Variants in LPP observed in about 807,000 individuals in gnomAD.
The protein encoded by LPP is lipoma-preferred partner.
LPP carries 38 observed loss-of-function variants against 60.4 expected under a neutral mutation model. The ratio of observed to expected loss-of-function variants is 0.63; its 90% CI spans 0.49 to 0.83. The LOEUF (loss-of-function observed/expected upper bound fraction) is 0.83, where lower values mean the gene tolerates loss of function less well. Among genes scored for constraint, LPP ranks in the 40% least tolerant of loss-of-function variants. The pLI, the probability that LPP is intolerant of heterozygous loss-of-function variation, is 0.00. For missense variants in LPP, 902 were observed against 783.6 expected, an observed-to-expected ratio of 1.15 and a Z score of -1.80; for synonymous variants, 328 against 290.8, an observed-to-expected ratio of 1.13 and a Z score of -1.30.
chr3:188,347,810 C>T (rs1190809846), intron 3 of LPP, among the ~76,000 whole-genome samples: 3 of 152,102 alleles, frequency 2.0e-5, no homozygotes. Context: ...ATGGAAGACG[C>T]CTCGGAGTTT....
chr3:188,523,797 G>C (rs75399979), intron 5 of LPP, among the ~76,000 whole-genome samples: 86 of 152,302 alleles, frequency 5.6e-4, no homozygotes, highest in African/African-American at 2.0e-3. Flanking sequence ...GAAGTTTTAA[G>C]AGCTTCTTCC....
At chr3:188,510,695 T>A (rs1055507858) in intron 5 of LPP, among the ~76,000 whole-genome samples, 1 of 152,238 alleles carries the variant, frequency 6.6e-6, no homozygotes, top group Non-Finnish European at 1.5e-5. Context: ...CCTTTGAGTC[T>A]GCTCTTACTC....
At chr3:188,628,155 A>G (rs1157165498) in intron 7 of LPP, among the ~76,000 whole-genome samples, 1 of 152,132 alleles carries the variant, frequency 6.6e-6, no homozygotes, top group African/African-American at 2.4e-5. Context: ...GTAAGTTAGA[A>G]AAATCTCAAC....
chr3:188,364,881 A>G (rs1770645228), intron 3 of LPP, among the ~76,000 whole-genome samples: 1 of 152,168 alleles, frequency 6.6e-6, no homozygotes, highest in Non-Finnish European at 1.5e-5. Flanking sequence ...TGTATTTAAA[A>G]TGAACAGAGG....
intron 6 of LPP, among the ~76,000 whole-genome samples, chr3:188,607,370 G>GATATAGATATATAT (rs1553941080): frequency 3.9e-5 from 4 of 102,730 alleles, no homozygotes; most frequent in African/African-American, 1.4e-4. Context: ...GAAAATAGAA[G>GATATAGATATATAT]ATATATATAT....
intron 9 of LPP, among the ~76,000 whole-genome samples, chr3:188,827,623 A>G (rs1755931731): frequency 6.6e-6 from 1 of 152,166 alleles, no homozygotes; most frequent in Non-Finnish European, 1.5e-5. Context: ...GGAGTGGAAC[A>G]GAGAGACAGA....
rs71169019 is a variant in LPP at position 188,765,861 on chromosome 3, C to CTTTTTTTTTTTTTTTTTTTTT, written c.1410+5585_1410+5605dup. Among the ~76,000 whole-genome samples, 5 of 92,618 alleles carry CTTTTTTTTTTTTTTTTTTTTT rather than the reference C, an allele frequency of 5.4e-5. 2 individuals are homozygous for CTTTTTTTTTTTTTTTTTTTTT. The highest frequency in any genetic ancestry group is 4.3e-5 in the African/African-American group (1 of 22,998). 60.8% of individuals were successfully genotyped at this position (92,618 alleles called of 152,430 possible). On this transcript the variant is annotated intron_variant, in intron 9 of 11. Transcript: ENST00000617246. Reference sequence around the variant, plus strand: ...GCAACGTGCAACTTAATGTTCAACTCTTTTTTTTTTTTTTTTTTTTTTTTT... The same window carrying CTTTTTTTTTTTTTTTTTTTTT: ...GCAACGTGCAACTTAATGTTCAACTCTTTTTTTTTTTTTTTTTTTTTTTTTTTTTTTTTTTTTTTTTTTTTT...
At chr3:188,511,020 C>A (rs1188205388) in intron 5 of LPP, among the ~76,000 whole-genome samples, 2 of 151,028 alleles carry the variant, frequency 1.3e-5, no homozygotes, top group African/African-American at 4.8e-5. Context: ...AACCCCTGAT[C>A]CATTCTCTTT....
intron 9 of LPP, among the ~76,000 whole-genome samples, chr3:188,817,607 C>T (rs538886765): frequency 1.3e-5 from 2 of 152,264 alleles, no homozygotes; most frequent in Non-Finnish European, 2.9e-5. Flanking sequence ...CAAGCATTTT[C>T]ACAGCTACTG....
intron 10 of LPP, among the ~76,000 whole-genome samples, chr3:188,871,094 C>G (rs1437569797): frequency 6.6e-6 from 1 of 151,978 alleles, no homozygotes; most frequent in Non-Finnish European, 1.5e-5. Context: ...TAATTACTAC[C>G]AAAATGGATA....
chr3:188,471,752 G>A (rs1402718085), intron 4 of LPP, among the ~76,000 whole-genome samples: 2 of 152,124 alleles, frequency 1.3e-5, no homozygotes, highest in African/African-American at 4.8e-5. Context: ...TATAAATGGT[G>A]TATTTATTTA....
At chr3:188,288,947 A>C (rs910536632) in intron 2 of LPP, among the ~76,000 whole-genome samples, 1 of 151,874 alleles carries the variant, frequency 6.6e-6, no homozygotes, top group South Asian at 2.1e-4. Flanking sequence ...GATAGAGATA[A>C]GATTTTAAAA....
In LPP at chr3:188,462,588, ATGTGTGTGTGTGTGTGTGTGTGTGTG is replaced by A. The variant is rs71169003; in HGVS notation, c.194-21982_194-21957del. 8.8e-4 allele frequency among the ~76,000 whole-genome samples: 51 copies of A among 58,274 alleles called. 1 individual carries two copies. Among genetic ancestry groups the A allele is most frequent in the South Asian group, 4.4e-3 (5 of 1,132 alleles). 38.2% of individuals were successfully genotyped at this position (58,274 alleles called of 152,430 possible). On this transcript the variant is annotated intron_variant, in intron 4 of 11. Transcript: ENST00000617246. ...TATATATATATATATATATATATGC[ATGTGTGTGTGTGTGTGTGTGTGTGTG>A]TGTGTGTGTGTGTGTGTGTGTTACT...
At chr3:188,663,897 G>A (rs1855174081) in intron 7 of LPP, among the ~76,000 whole-genome samples, 1 of 152,146 alleles carries the variant, frequency 6.6e-6, no homozygotes, top group South Asian at 2.1e-4. Context: ...AGAATCTAAT[G>A]CCACCACCAC....
chr3:188,851,012 G>A (rs1302292394), intron 9 of LPP, among the ~76,000 whole-genome samples: 2 of 152,208 alleles, frequency 1.3e-5, no homozygotes, highest in Non-Finnish European at 2.9e-5. Flanking sequence ...GACAGAAGTA[G>A]GGCCAATGGG....
intron 3 of LPP, among the ~76,000 whole-genome samples, chr3:188,374,761 G>T (rs948915820): frequency 2.0e-5 from 3 of 152,158 alleles, no homozygotes; most frequent in Non-Finnish European, 2.9e-5. Flanking sequence ...GGAGTGGGGA[G>T]AGAGGGCATC....
At chr3:188,174,440 G>C (rs1317602862) in intron 1 of LPP, among the ~76,000 whole-genome samples, 1 of 152,220 alleles carries the variant, frequency 6.6e-6, no homozygotes, top group Non-Finnish European at 1.5e-5. Context: ...AGCGTGCGCA[G>C]GCATTGATAC....
At chr3:188,664,599 GTA>G (rs1367178850) in intron 7 of LPP, among the ~76,000 whole-genome samples, 3 of 151,970 alleles carry the variant, frequency 2.0e-5, no homozygotes, top group African/African-American at 4.8e-5. Context: ...GGATATATGT[GTA>G]TGTGTGTGTG....
intron 2 of LPP, among the ~76,000 whole-genome samples, chr3:188,296,519 TTGAAAC>T (rs1747947538): frequency 6.6e-6 from 1 of 152,222 alleles, no homozygotes; most frequent in Non-Finnish European, 1.5e-5. Flanking sequence ...AGGAGGCTGA[TTGAAAC>T]TGAATTTAGC....
Sources: allele counts gnomAD v4.1 joint callset (sites outside exome capture counted in the v4.1 genomes callset), GRCh38; gene constraint gnomAD v4.1.1; transcripts MANE v1.5; gene names NCBI Gene and HGNC (gene_info 2026-07-23, HGNC 2026-07-21).